The following CALN1 variants were observed in gnomAD, a reference collection of about 807,000 sequenced individuals.
CALN1 encodes the protein calneuron 1, also known as calcium-binding protein 8.
In CALN1, 17 loss-of-function variants were observed where a neutral mutation model predicts 30.6. That is an observed-to-expected ratio of 0.56 (90% CI 0.38 to 0.83). CALN1 has a LOEUF of 0.83. Ranked by LOEUF, CALN1 falls within the 40% of genes least tolerant of loss-of-function variation. CALN1 has a pLI of 0.00. For missense variants in CALN1, 291 were observed against 354.9 expected (o/e 0.82, Z 1.45); for synonymous variants, 156 against 131.4 (o/e 1.19, Z -1.28).
At chr7:71,972,008 A>G (rs542713432) in intron 5 of CALN1, among the ~76,000 whole-genome samples, 4 of 145,670 alleles carry the variant, frequency 2.7e-5, no homozygotes, top group South Asian at 4.4e-4. Context: ...AGAAAGAAAA[A>G]AAGAAAGAAA....
intron 2 of CALN1, among the ~76,000 whole-genome samples, chr7:72,279,065 T>G (rs1446273670): frequency 6.6e-6 from 1 of 152,194 alleles, no homozygotes; most frequent in Non-Finnish European, 1.5e-5. Flanking sequence ...TTGAACGATG[T>G]TGTCCTTGTT....
At chr7:72,087,239 T>C (rs1039988741) in intron 4 of CALN1, among the ~76,000 whole-genome samples, 7 of 152,158 alleles carry the variant, frequency 4.6e-5, no homozygotes, top group African/African-American at 9.7e-5. Flanking sequence ...GTACCTCTCA[T>C]AGCACAGACC....
intron 6 of CALN1, among the ~76,000 whole-genome samples, chr7:71,790,368 AAAAG>A (rs66616944): frequency 0.13 from 16,213 of 122,358 alleles, 1,230 homozygotes; most frequent in South Asian, 0.16. Flanking sequence ...AGAAAGAAAG[AAAAG>A]AAAGAAAGAA....
intron 6 of CALN1, among the ~76,000 whole-genome samples, chr7:71,809,184 T>G (rs1787790601): frequency 6.6e-6 from 1 of 152,072 alleles, no homozygotes; most frequent in African/African-American, 2.4e-5. Context: ...CTCCCACTGT[T>G]TGCAACCTCA....
At position 72,058,655 on chromosome 7, in the gene CALN1, C is replaced by G. The variant is rs115940647; in HGVS notation, c.389-34886G>C. On this transcript the variant is annotated intron_variant, in intron 4 of 6. Coordinates refer to ENST00000395275, the MANE Select transcript of CALN1 (RefSeq NM_031468.4). ...ATCTTTAGAGAACACCCAAGAGTGT[C>G]TGTCCACACCCTGGGCAGAGGGCCA... Among the ~76,000 whole-genome samples the G allele has an allele frequency of 4.5e-3, 691 of 152,238 alleles. 4 individuals carry two copies. Among genetic ancestry groups the G allele is most frequent in the African/African-American group, 0.016 (670 of 41,542 alleles).
chr7:72,334,715 T>C (rs1263915400), intron 2 of CALN1, among the ~76,000 whole-genome samples: 3 of 152,236 alleles, frequency 2.0e-5, no homozygotes, highest in African/African-American at 7.2e-5. Context: ...GGTGAACAAT[T>C]CTAAGAGGAT....
At chr7:72,245,211 G>A (rs1795080834) in intron 3 of CALN1, among the ~76,000 whole-genome samples, 1 of 152,186 alleles carries the variant, frequency 6.6e-6, no homozygotes, top group African/African-American at 2.4e-5. Flanking sequence ...AGGCAGCCCA[G>A]CCCCGCCCTG....
At chr7:71,870,319 G>A (rs1403540365) in intron 5 of CALN1, among the ~76,000 whole-genome samples, 1 of 151,800 alleles carries the variant, frequency 6.6e-6, no homozygotes, top group Non-Finnish European at 1.5e-5. Context: ...GGAGGTGGAG[G>A]TTGCAGTGAG....
intron 5 of CALN1, among the ~76,000 whole-genome samples, chr7:71,893,786 A>G (rs1464628423): frequency 6.6e-6 from 1 of 152,014 alleles, no homozygotes; most frequent in African/African-American, 2.4e-5. Context: ...ATGAACCATT[A>G]AGGTTTCCTC....
At chr7:71,868,713 C>A (rs1330077811) in intron 5 of CALN1, among the ~76,000 whole-genome samples, 1 of 151,988 alleles carries the variant, frequency 6.6e-6, no homozygotes, top group African/African-American at 2.4e-5. Flanking sequence ...CATGAAGGGC[C>A]ACCCCCATGA....
In CALN1 at chr7:71,793,179, G is replaced by A. The variant is rs150391283; in HGVS notation, c.659-5277C>T. Reference sequence around the variant, plus strand: ...AAATTTGCTGGGCATGGTGGCGGGCGCCTGTAATACCAGCTACTAGGGAGG... The same window carrying A: ...AAATTTGCTGGGCATGGTGGCGGGCACCTGTAATACCAGCTACTAGGGAGG... On this transcript the variant is annotated intron_variant, in intron 6 of 6. Transcript: ENST00000395275. 2.3e-3 allele frequency among the ~76,000 whole-genome samples: 354 copies of A among 152,128 alleles called. 2 individuals carry two copies. The highest frequency in any genetic ancestry group is 8.0e-3 in the African/African-American group (332 of 41,516).
At chr7:71,851,175 C>A (rs554801885) in intron 5 of CALN1, among the ~76,000 whole-genome samples, 14 of 151,164 alleles carry the variant, frequency 9.3e-5, no homozygotes, top group Admixed American at 4.0e-4. Flanking sequence ...TCACTGCACT[C>A]TAGCCTGGGC....
At chr7:72,058,647 A>C (rs117296563) in intron 4 of CALN1, among the ~76,000 whole-genome samples, 2,008 of 152,272 alleles carry the variant, frequency 0.013, 17 homozygotes, top group Middle Eastern at 0.037. Context: ...GAGAACACCC[A>C]AGAGTGTCTG....
chr7:72,159,689 T>C (rs938539088), intron 3 of CALN1, among the ~76,000 whole-genome samples: 5 of 151,810 alleles, frequency 3.3e-5, no homozygotes, highest in Non-Finnish European at 5.9e-5. Flanking sequence ...TCCCAGTTAC[T>C]AGGGAGGCTG....
intron 3 of CALN1, among the ~76,000 whole-genome samples, chr7:72,270,171 A>G (rs1048117563): frequency 7.2e-5 from 11 of 152,048 alleles, no homozygotes; most frequent in Admixed American, 5.9e-4. Flanking sequence ...AATGTTAAAA[A>G]GTAAGCCAGG....
intron 2 of CALN1, chr7:72,337,220 G>A: frequency 1.0e-6 from 1 of 985,142 alleles, no homozygotes; most frequent in South Asian, 4.7e-5. Flanking sequence ...GGGCCTTGCC[G>A]CCGACAGCAC....
intron 5 of CALN1, among the ~76,000 whole-genome samples, chr7:72,020,101 C>T (rs1007993259): frequency 1.3e-5 from 2 of 152,056 alleles, no homozygotes; most frequent in Non-Finnish European, 2.9e-5. Flanking sequence ...AGTCTGTCAG[C>T]CAGGATGGAG....
intron 4 of CALN1, among the ~76,000 whole-genome samples, chr7:72,044,583 T>C (rs1802343404): frequency 6.8e-6 from 1 of 146,802 alleles, no homozygotes; most frequent in South Asian, 2.2e-4. Flanking sequence ...CTTCAGAGAA[T>C]AATTTCCGCT....
chr7:72,143,420 A>G (rs1810103580), intron 3 of CALN1, among the ~76,000 whole-genome samples: 1 of 152,230 alleles, frequency 6.6e-6, no homozygotes, highest in South Asian at 2.1e-4. Flanking sequence ...AGAGAACTTT[A>G]GAGAAAAAAG....
Sources: allele counts gnomAD v4.1 joint callset (sites outside exome capture counted in the v4.1 genomes callset), GRCh38; gene constraint gnomAD v4.1.1; transcripts MANE v1.5; gene names NCBI Gene and HGNC (gene_info 2026-07-23, HGNC 2026-07-21).